RIC1: variants seen among roughly 807,000 people sequenced by gnomAD.
The protein encoded by RIC1 is RIC1 partner of RAB6A GEF complex, also known as guanine nucleotide exchange factor subunit RIC1.
Under a neutral mutation model 169.0 loss-of-function variants are expected in RIC1, and 88 were observed. That is an observed-to-expected ratio of 0.52 (90% CI 0.44 to 0.62). RIC1 has a LOEUF of 0.62. RIC1 is among the 20% of genes least tolerant of loss of function. RIC1 has a pLI of 0.00. For synonymous variants in RIC1, 790 were observed against 601.5 expected, an observed-to-expected ratio of 1.31 and a Z score of -4.59; for missense variants, 1,877 against 1,725.5, an observed-to-expected ratio of 1.09 and a Z score of -1.56.
At chr9:5,679,210 G>C (rs911242013) in intron 2 of RIC1, among the ~76,000 whole-genome samples, 4 of 152,138 alleles carry the variant, frequency 2.6e-5, no homozygotes, top group Non-Finnish European at 4.4e-5. Context: ...CTATATCTCT[G>C]TTTTGGTACC....
At chr9:5,637,390 G>A (rs1034699429) in intron 1 of RIC1, among the ~76,000 whole-genome samples, 14 of 152,106 alleles carry the variant, frequency 9.2e-5, no homozygotes, top group Non-Finnish European at 7.4e-5. Flanking sequence ...TGATACTAGC[G>A]TGCAATTTGT....
At chr9:5,665,301 C>CT (rs1249460713) in intron 2 of RIC1, among the ~76,000 whole-genome samples, 2 of 152,142 alleles carry the variant, frequency 1.3e-5, no homozygotes, top group Admixed American at 6.5e-5. Context: ...GTGTGGGAGT[C>CT]TAAGTCTCTT....
At chr9:5,722,348 AGTGTGTGTGTGTGTGT>A (rs1554673860) in intron 6 of RIC1, among the ~76,000 whole-genome samples, 1 of 131,298 alleles carries the variant, frequency 7.6e-6, no homozygotes, top group African/African-American at 2.9e-5. Context: ...AGAGAGAGAG[AGTGTGTGTGTGTGTGT>A]GTGTGTGTGT....
At chr9:5,674,104 A>G (rs1047072863) in intron 2 of RIC1, among the ~76,000 whole-genome samples, 2 of 152,182 alleles carry the variant, frequency 1.3e-5, no homozygotes, top group African/African-American at 4.8e-5. Context: ...GCTGTAAAAT[A>G]TAAGAGTTTG....
chr9:5,758,335 G>A (rs1462491328), intron 17 of RIC1, among the ~76,000 whole-genome samples: 4 of 152,102 alleles, frequency 2.6e-5, no homozygotes. Context: ...AATTCTATGT[G>A]GATTTATTTG....
intron 2 of RIC1, among the ~76,000 whole-genome samples, chr9:5,663,335 G>C (rs534853324): frequency 7.2e-4 from 110 of 152,190 alleles, no homozygotes; most frequent in African/African-American, 2.5e-3. Context: ...GTAGATATCT[G>C]TCAGGTCCAC....
At chr9:5,743,775 A>C in intron 10 of RIC1, 38 bp downstream of exon 10, 1 of 1,470,126 alleles carries the variant, frequency 6.8e-7, no homozygotes, top group Non-Finnish European at 9.4e-7. Context: ...TGGTATTAAA[A>C]AAACTTGGAT....
Position 5,762,526 on chromosome 9 carries a change from T to C in RIC1, c.1993-15T>C. The C allele has an allele frequency of 6.2e-7, 1 of 1,612,566 alleles. No homozygotes were observed. Among genetic ancestry groups the C allele is most frequent in the Non-Finnish European group, 8.5e-7 (1 of 1,179,420 alleles). On this transcript the variant is annotated splice_polypyrimidine_tract_variant and intron_variant, in intron 17 of 25. Transcript: ENST00000414202. ...TACAGAAGTATGAATTTAGCTGCTT[T>C]TTCTTAAATTTCAGGCTCGTGGTGC... is the stretch of plus-strand genomic sequence containing the variant.
Position 5,747,303 on chromosome 9 carries a change from G to A in RIC1, c.1250G>A (p.Ser417Asn). ...KSVLTVNPCM[S>N]NQEQVLLQGE... ...TTTGTTCCTCTTTCCCTCATTTAGA[G>A]TAACCAAGAGCAGGTGTTGCTTCAG... The change falls in exon 12 of 26, where the codon AGT becomes AAT. Residue 417 changes from serine (S) to asparagine (N), a missense_variant and splice_region_variant. This residue lies in a region of RIC1 where 1,104 missense variants were observed against 992.0 expected (regional missense o/e 1.11). Transcript: ENST00000414202. 6.2e-7 allele frequency: 1 copy of A among 1,613,568 alleles called. No homozygotes were observed. The highest frequency in any genetic ancestry group is 1.1e-5 in the South Asian group (1 of 91,048).
At chr9:5,680,614 A>G (rs1334463423) in intron 2 of RIC1, among the ~76,000 whole-genome samples, 4 of 152,018 alleles carry the variant, frequency 2.6e-5, no homozygotes, top group African/African-American at 9.7e-5. Context: ...CATTTCTTCT[A>G]GATTTTCTAG....
Position 5,732,529 on chromosome 9 carries a change from C to G in RIC1, c.812+50C>G, listed in dbSNP as rs1479049726. On this transcript the variant is annotated intron_variant, in intron 7 of 25. Coordinates refer to ENST00000414202, the MANE Select transcript of RIC1 (RefSeq NM_020829.4). ...TTTTTAAGAGTTGTTGCAAAAAATA[C>G]TGGTTTTTTTTTTTGTAAACATAAG... The G allele has an allele frequency of 9.6e-6, 12 of 1,253,812 alleles. No homozygotes were observed. The Admixed American group carries it at 1.7e-4, about 18-fold the overall frequency. The allele number at this position is 1,253,812 out of a possible 1,614,324, so 77.7% of individuals were successfully genotyped here. A position where few individuals can be genotyped will look rare whatever the true frequency, so the allele number is the denominator to read the frequency against.
chr9:5,755,387 A>G (rs1825945329), intron 15 of RIC1, among the ~76,000 whole-genome samples: 1 of 152,186 alleles, frequency 6.6e-6, no homozygotes, highest in South Asian at 2.1e-4. Flanking sequence ...CCTATGATAA[A>G]GTTTAATTTG....
At chr9:5,696,951 A>G (rs1821940073) in intron 3 of RIC1, among the ~76,000 whole-genome samples, 1 of 152,178 alleles carries the variant, frequency 6.6e-6, no homozygotes, top group Non-Finnish European at 1.5e-5. Flanking sequence ...GCCCTTCTGA[A>G]GTCCACTGAA....
intron 2 of RIC1, among the ~76,000 whole-genome samples, chr9:5,658,838 C>A (rs1415610381): frequency 6.8e-6 from 1 of 147,366 alleles, no homozygotes; most frequent in Non-Finnish European, 1.5e-5. Flanking sequence ...TTTTTTTTTA[C>A]CGAGACTGAC....
chr9:5,694,281 C>T (rs2130734710), intron 3 of RIC1, among the ~76,000 whole-genome samples: 1 of 152,340 alleles, frequency 6.6e-6, no homozygotes, highest in East Asian at 1.9e-4. Context: ...GTTACAGACT[C>T]ATGAAAGTTT....
chr9:5,629,420 G>GGCCGTGCT lies in RIC1; in HGVS notation c.115_116insTGCTGCCG (p.Ala39ValfsTer17), dbSNP rs1281852490. On this transcript the variant is annotated frameshift_variant, in exon 1 of 26. Transcript: ENST00000414202. LOFTEE classifies it high-confidence loss of function. ...CGCAGAGGGCTTTCTTCGCCGTGCT[G>GGCCGTGCT]GCCGCGGCCCGCCTCAGCATCTGGT... 2.0e-6 allele frequency: 3 copies of GGCCGTGCT among 1,533,656 alleles called. No individual in the cohort carries two copies. In the Admixed American group the frequency reaches 5.9e-5, roughly 30 times the overall value.
At chr9:5,755,292 A>G (rs1228826067) in intron 15 of RIC1, among the ~76,000 whole-genome samples, 1 of 152,224 alleles carries the variant, frequency 6.6e-6, no homozygotes, top group Non-Finnish European at 1.5e-5. Flanking sequence ...TATGGGGGAT[A>G]CATTCCAAGA....
At chr9:5,717,848 A>AT (rs905853295) in intron 4 of RIC1, among the ~76,000 whole-genome samples, 13 of 151,712 alleles carry the variant, frequency 8.6e-5, no homozygotes, top group Non-Finnish European at 1.8e-4. Context: ...AAATAAAAAA[A>AT]AAAAAAGTTC....
intron 17 of RIC1, among the ~76,000 whole-genome samples, chr9:5,759,729 G>C (rs1826216545): frequency 6.6e-6 from 1 of 152,022 alleles, no homozygotes; most frequent in Non-Finnish European, 1.5e-5. Context: ...TAAACATGTA[G>C]AAGTAAAATG....
Sources: allele counts gnomAD v4.1 joint callset (sites outside exome capture counted in the v4.1 genomes callset), GRCh38; gene constraint gnomAD v4.1.1; regional missense constraint gnomAD v4.1.1; transcripts MANE v1.5; gene names NCBI Gene and HGNC (gene_info 2026-07-23, HGNC 2026-07-21).